Variants in DLC1 observed in about 807,000 individuals in gnomAD.
DLC1 encodes DLC1 Rho GTPase activating protein.
Under a neutral mutation model 140.3 loss-of-function variants are expected in DLC1, and 54 were observed. The observed-to-expected ratio is 0.38, with a 90% CI of 0.31 to 0.48. DLC1 has a LOEUF of 0.48. Ranked by LOEUF, DLC1 falls within the 20% of genes least tolerant of loss-of-function variation. The pLI, the probability that DLC1 is intolerant of heterozygous loss-of-function variation, is 0.96. For missense variants in DLC1, 2,536 were observed against 1,907.0 expected, an observed-to-expected ratio of 1.33 and a Z score of -6.14; for synonymous variants, 986 against 728.1, an observed-to-expected ratio of 1.35 and a Z score of -5.70.
intron 5 of DLC1, among the ~76,000 whole-genome samples, chr8:13,288,764 C>A (rs888940702): frequency 2.0e-5 from 3 of 152,080 alleles, no homozygotes; most frequent in African/African-American, 4.8e-5. Flanking sequence ...TGCTGGCCTG[C>A]AACTTTCTAG....
intron 5 of DLC1, among the ~76,000 whole-genome samples, chr8:13,201,231 G>A (rs907514159): frequency 7.9e-5 from 12 of 151,940 alleles, no homozygotes; most frequent in Non-Finnish European, 1.5e-4. Flanking sequence ...AGTGTTCAAA[G>A]CAGGAATTCA....
intron 5 of DLC1, among the ~76,000 whole-genome samples, chr8:13,247,527 G>A (rs752843293): frequency 6.6e-6 from 1 of 152,036 alleles, no homozygotes; most frequent in Non-Finnish European, 1.5e-5. Flanking sequence ...CCATTTTACA[G>A]GTGAGGACAC....
chr8:13,233,345 T>C (rs1383472380), intron 5 of DLC1, among the ~76,000 whole-genome samples: 1 of 144,614 alleles, frequency 6.9e-6, no homozygotes, highest in South Asian at 2.3e-4. Context: ...ATATTCACAC[T>C]TGTGACTATT....
intron 1 of DLC1, among the ~76,000 whole-genome samples, chr8:13,580,273 C>T (rs1416960675): frequency 6.6e-6 from 1 of 152,098 alleles, no homozygotes; most frequent in East Asian, 1.9e-4. Context: ...CAGGCGACCG[C>T]CACCACGCGC....
chr8:13,154,836 A>G lies in DLC1; in HGVS notation c.1349-39179T>C, dbSNP rs1014363741. Among the ~76,000 whole-genome samples the G allele has an allele frequency of 3.3e-5, 5 of 152,292 alleles. No homozygotes were observed. In the East Asian group the frequency reaches 7.7e-4, roughly 23 times the overall value. On this transcript the variant is annotated intron_variant, in intron 5 of 17. Transcript: ENST00000276297. ...GAAGAAAAAATAGAAAAACGACTCAATTTTTCACTTAGAAATAAGCGCTAT... is the reference window on the plus strand; with the variant it reads ...GAAGAAAAAATAGAAAAACGACTCAGTTTTTCACTTAGAAATAAGCGCTAT...
At chr8:13,385,266 TAAC>T (rs980688030) in intron 4 of DLC1, among the ~76,000 whole-genome samples, 8 of 152,024 alleles carry the variant, frequency 5.3e-5, no homozygotes, top group East Asian at 1.9e-4. Context: ...ACAACAACAG[TAAC>T]AACAACAACA....
intron 1 of DLC1, among the ~76,000 whole-genome samples, chr8:13,583,057 G>A (rs1805172237): frequency 6.6e-6 from 1 of 151,734 alleles, no homozygotes; most frequent in South Asian, 2.1e-4. Flanking sequence ...TGATGTTGAT[G>A]GCTGCTGACT....
chr8:13,410,623 A>G (rs1198476280), intron 2 of DLC1, among the ~76,000 whole-genome samples: 1 of 151,666 alleles, frequency 6.6e-6, no homozygotes, highest in Admixed American at 6.6e-5. Context: ...CCTAGAAGTA[A>G]CTAAAAAAAG....
chr8:13,424,125 C>G (rs1237911704), intron 2 of DLC1, among the ~76,000 whole-genome samples: 1 of 152,176 alleles, frequency 6.6e-6, no homozygotes, highest in Non-Finnish European at 1.5e-5. Context: ...TTCTGGCAGA[C>G]TGTCCTCACA....
intron 10 of DLC1, among the ~76,000 whole-genome samples, chr8:13,096,985 A>G (rs1292066033): frequency 1.3e-5 from 2 of 152,168 alleles, no homozygotes; most frequent in African/African-American, 4.8e-5. Context: ...TAGCAGAAAA[A>G]TTAAGATGTA....
intron 4 of DLC1, among the ~76,000 whole-genome samples, chr8:13,346,932 A>T (rs1480086558): frequency 6.6e-6 from 1 of 152,246 alleles, no homozygotes; most frequent in Non-Finnish European, 1.5e-5. Flanking sequence ...TGGTCTGAAA[A>T]TAGTGAGTAC....
At chr8:13,518,837 G>A (rs975130639), upstream of DLC1, among the ~76,000 whole-genome samples, 9 of 151,934 alleles carry the variant, frequency 5.9e-5, no homozygotes, top group South Asian at 2.1e-4. Flanking sequence ...AAAATTATTC[G>A]TCTAAAAATC....
intron 1 of DLC1, among the ~76,000 whole-genome samples, chr8:13,580,462 G>A (rs998083668): frequency 6.6e-6 from 1 of 152,144 alleles, no homozygotes; most frequent in Non-Finnish European, 1.5e-5. Context: ...AAAGCAGCAC[G>A]GTTGAAAGCA....
intron 1 of DLC1, among the ~76,000 whole-genome samples, chr8:13,601,589 G>A (rs1805884657): frequency 6.6e-6 from 1 of 150,998 alleles, no homozygotes; most frequent in African/African-American, 2.4e-5. Flanking sequence ...GCTGGGATAT[G>A]AGATGGTAAC....
At chr8:13,223,839 CAGTGG>C (rs1828667737) in intron 5 of DLC1, among the ~76,000 whole-genome samples, 2 of 152,098 alleles carry the variant, frequency 1.3e-5, no homozygotes, top group Non-Finnish European at 2.9e-5. Flanking sequence ...TTTAATTTTT[CAGTGG>C]TTAATATGTT....
chr8:13,368,451 A>C (rs76971960), intron 4 of DLC1, among the ~76,000 whole-genome samples: 14,869 of 152,146 alleles, frequency 0.098, 806 homozygotes, highest in African/African-American at 0.12. Flanking sequence ...ATTTGCCCCA[A>C]GGAAATCATG....
chr8:13,119,350 TG>T (rs1820841044), intron 5 of DLC1, among the ~76,000 whole-genome samples: 1 of 152,088 alleles, frequency 6.6e-6, no homozygotes, highest in Non-Finnish European at 1.5e-5. Context: ...GTAAATTTGG[TG>T]CTCATCTCCA....
At chr8:13,539,905 G>A (rs1803427896) in intron 1 of DLC1, among the ~76,000 whole-genome samples, 1 of 152,068 alleles carries the variant, frequency 6.6e-6, no homozygotes, top group Non-Finnish European at 1.5e-5. Flanking sequence ...TACTTTTCTT[G>A]AGCAATTCTA....
At chr8:13,451,564 A>C (rs1026593388) in intron 2 of DLC1, among the ~76,000 whole-genome samples, 1 of 152,160 alleles carries the variant, frequency 6.6e-6, no homozygotes, top group Non-Finnish European at 1.5e-5. Flanking sequence ...CTCTATGTCC[A>C]TGAATTCGAT....
Sources: allele counts gnomAD v4.1 joint callset (sites outside exome capture counted in the v4.1 genomes callset), GRCh38; gene constraint gnomAD v4.1.1; transcripts MANE v1.5; gene names NCBI Gene and HGNC (gene_info 2026-07-23, HGNC 2026-07-21).